The following ENPP2 variants were observed in gnomAD, a reference collection of about 807,000 sequenced individuals.
The protein encoded by ENPP2 is autotaxin.
A neutral mutation model predicts 120.2 loss-of-function variants in ENPP2; 51 were observed. The observed-to-expected ratio is 0.42, with a 90% CI of 0.34 to 0.54. ENPP2 has a LOEUF of 0.54. ENPP2 is among the 20% of genes least tolerant of loss of function. The probability of loss-of-function intolerance (pLI) is 0.04; values close to 1 mark genes in which losing one functional copy is unlikely to be tolerated. For synonymous variants in ENPP2, 365 were observed against 366.4 expected, an observed-to-expected ratio of 1.00 and a Z score of 0.04; for missense variants, 920 against 1,066.5, an observed-to-expected ratio of 0.86 and a Z score of 1.91.
chr8:119,566,642 G>A (rs887770133), intron 22 of ENPP2, among the ~76,000 whole-genome samples: 4 of 152,260 alleles, frequency 2.6e-5, no homozygotes, highest in East Asian at 1.9e-4. Flanking sequence ...CACCCCCCTC[G>A]TGGAGAACAG....
chr8:119,610,632 G>T (rs1358999577), intron 8 of ENPP2, among the ~76,000 whole-genome samples: 2 of 152,104 alleles, frequency 1.3e-5, no homozygotes, highest in African/African-American at 2.4e-5. Flanking sequence ...GCCAGGTGTG[G>T]TGGCTCACGC....
rs1489433574 is a variant in ENPP2, at chr8:119,590,391, A to G, written c.1207+114T>C. On this transcript the variant is annotated intron_variant, in intron 13 of 24. Coordinates refer to ENST00000075322, the MANE Select transcript of ENPP2 (RefSeq NM_001040092.3). ...ATGACTTATTTAAGGTCACTCAGCTAAGCGGTAGCAGAGCCAGAATTTTTA... is the reference window on the plus strand; with the variant it reads ...ATGACTTATTTAAGGTCACTCAGCTGAGCGGTAGCAGAGCCAGAATTTTTA... 5.5e-6 allele frequency: 4 copies of G among 733,530 alleles called. No individual in the cohort carries two copies. In the African/African-American group the frequency reaches 5.5e-5, roughly 10 times the overall value. 45.4% of individuals were successfully genotyped at this position (733,530 alleles called of 1,614,324 possible).
intron 18 of ENPP2, among the ~76,000 whole-genome samples, chr8:119,581,931 C>T (rs1173535580): frequency 6.6e-6 from 1 of 151,992 alleles, no homozygotes; most frequent in African/African-American, 2.4e-5. Flanking sequence ...CAGGGTTTCA[C>T]CATGTTGACC....
At chr8:119,609,114 A>G (rs916637864) in intron 8 of ENPP2, among the ~76,000 whole-genome samples, 1 of 152,216 alleles carries the variant, frequency 6.6e-6, no homozygotes, top group African/African-American at 2.4e-5. Flanking sequence ...ATCCTTAAAG[A>G]GTGACAACTT....
At chr8:119,565,621 G>A (rs1814352215) in intron 22 of ENPP2, among the ~76,000 whole-genome samples, 3 of 152,172 alleles carry the variant, frequency 2.0e-5, no homozygotes, top group Admixed American at 2.0e-4. Flanking sequence ...ATAGACACAT[G>A]TGAACAATTC....
intron 5 of ENPP2, 107 bp from the exon 6 acceptor site, chr8:119,617,670 C>G: frequency 1.3e-6 from 1 of 777,868 alleles, no homozygotes; most frequent in Non-Finnish European, 2.1e-6. Context: ...AAAATTTCAC[C>G]GGGCGTGATG....
intron 15 of ENPP2, among the ~76,000 whole-genome samples, chr8:119,585,243 C>G (rs1413475701): frequency 6.6e-6 from 1 of 152,152 alleles, no homozygotes; most frequent in East Asian, 1.9e-4. Flanking sequence ...TTAGAAGACT[C>G]CAATAATTCC....
chr8:119,648,331 C>T (rs564692491), intron 1 of ENPP2, among the ~76,000 whole-genome samples: 1 of 152,128 alleles, frequency 6.6e-6, no homozygotes, highest in African/African-American at 2.4e-5. Context: ...AAGAAAATCC[C>T]TTTATTTATG....
chr8:119,568,334 T>C, intron 21 of ENPP2, 82 bp from the exon 22 acceptor site: 1 of 760,604 alleles, frequency 1.3e-6, no homozygotes, highest in Non-Finnish European at 2.3e-6. Context: ...GGGGGTAGAA[T>C]TTTCTTAAAT....
intron 22 of ENPP2, among the ~76,000 whole-genome samples, chr8:119,566,530 C>T (rs979639900): frequency 3.3e-5 from 5 of 152,040 alleles, no homozygotes; most frequent in African/African-American, 7.2e-5. Context: ...GGAGTTCAAA[C>T]GTTAACTTAA....
At chr8:119,642,481 C>CA (rs574111693), upstream of ENPP2, among the ~76,000 whole-genome samples, 50 of 151,068 alleles carry the variant, frequency 3.3e-4, 1 homozygote, top group Non-Finnish European at 1.0e-4. Flanking sequence ...TATGTTTCCT[C>CA]AAAAAAAAGA....
At chr8:119,601,771 C>T (rs1814328124) in intron 9 of ENPP2, among the ~76,000 whole-genome samples, 1 of 152,140 alleles carries the variant, frequency 6.6e-6, no homozygotes, top group African/African-American at 2.4e-5. Context: ...GTTTCAGAAT[C>T]ATTGTCATTT....
intron 24 of ENPP2, among the ~76,000 whole-genome samples, chr8:119,559,528 G>C (rs1813747191): frequency 6.6e-6 from 1 of 152,152 alleles, no homozygotes; most frequent in South Asian, 2.1e-4. Flanking sequence ...TCTGAAATCT[G>C]TTCTATAATT....
At chr8:119,576,077 CT>C (rs1355576178) in intron 19 of ENPP2, among the ~76,000 whole-genome samples, 1 of 152,180 alleles carries the variant, frequency 6.6e-6, no homozygotes, top group East Asian at 1.9e-4. Flanking sequence ...AAGATGTTCC[CT>C]CTGTAGCCAT....
chr8:119,587,901 G>A (rs965742634), intron 13 of ENPP2, among the ~76,000 whole-genome samples: 2 of 152,192 alleles, frequency 1.3e-5, no homozygotes, highest in African/African-American at 4.8e-5. Context: ...CAACTATCAT[G>A]AGGCAGCCCT....
At chr8:119,668,021 G>C (rs1222749884) in intron 1 of ENPP2, among the ~76,000 whole-genome samples, 2 of 151,982 alleles carry the variant, frequency 1.3e-5, no homozygotes, top group African/African-American at 4.8e-5. Context: ...CTCAGCCTTT[G>C]GGTCTCAATT....
chr8:119,569,301 A>C lies in ENPP2; in HGVS notation c.1987T>G (p.Phe663Val), dbSNP rs767257023. Residue 663 changes from phenylalanine (F) to valine (V), a missense_variant, in exon 21 of 25, where the codon TTC becomes GTC. Transcript: ENST00000075322. ...VRPDVRVSPSFSQNCLAYKND... is the reference protein window; with the variant it reads ...VRPDVRVSPSVSQNCLAYKND... ...TTGTAGGCCAAACAGTTCTGACTGA[A>C]ACTCGGAGAAACACGGACATCAGGC... is the stretch of plus-strand genomic sequence containing the variant. 20 of 1,614,026 alleles carry C rather than the reference A, an allele frequency of 1.2e-5. No homozygotes were observed. The South Asian group carries it at 2.1e-4, about 17-fold the overall frequency.
chr8:119,636,454 CTA>C (rs1376191229), intron 2 of ENPP2, among the ~76,000 whole-genome samples: 1 of 152,154 alleles, frequency 6.6e-6, no homozygotes, highest in Non-Finnish European at 1.5e-5. Flanking sequence ...TATTCTAAGA[CTA>C]AGCTTCACGT....
chr8:119,568,289 C>T, intron 21 of ENPP2, 37 bp from the exon 22 acceptor site: 1 of 1,141,660 alleles, frequency 8.8e-7, no homozygotes, highest in South Asian at 1.3e-5. Context: ...ACGTTGCTTA[C>T]CAAAATCTAT....
Sources: allele counts gnomAD v4.1 joint callset (sites outside exome capture counted in the v4.1 genomes callset), GRCh38; gene constraint gnomAD v4.1.1; transcripts MANE v1.5; gene names NCBI Gene and HGNC (gene_info 2026-07-23, HGNC 2026-07-21).